ZMAT4: variants seen among roughly 807,000 people sequenced by gnomAD.
ZMAT4 encodes zinc finger matrin-type 4, also known as zinc finger matrin-type protein 4.
A neutral mutation model predicts 28.7 loss-of-function variants in ZMAT4; 17 were observed. The ratio of observed to expected loss-of-function variants is 0.59; its 90% confidence interval spans 0.41 to 0.89. ZMAT4 has a LOEUF of 0.89. Among genes scored for constraint, ZMAT4 ranks in the 40% least tolerant of loss-of-function variants. The pLI, the probability that ZMAT4 is intolerant of heterozygous loss-of-function variation, is 0.00. For missense variants in ZMAT4, 240 were observed against 283.8 expected (o/e 0.85, Z 1.11); for synonymous variants, 117 against 109.2 (o/e 1.07, Z -0.44).
chr8:40,627,902 G>A (rs1410848874), intron 5 of ZMAT4, among the ~76,000 whole-genome samples: 1 of 152,170 alleles, frequency 6.6e-6, no homozygotes, highest in Non-Finnish European at 1.5e-5. Context: ...GGGATTTAAG[G>A]CTTGAAGATC....
intron 6 of ZMAT4, among the ~76,000 whole-genome samples, chr8:40,552,045 G>A (rs1803384019): frequency 6.6e-6 from 1 of 152,138 alleles, no homozygotes; most frequent in South Asian, 2.1e-4. Context: ...TCAGCAGCCA[G>A]GGCCATAATG....
chr8:40,797,552 T>A (rs536672823), intron 2 of ZMAT4, among the ~76,000 whole-genome samples: 11 of 152,198 alleles, frequency 7.2e-5, no homozygotes, highest in Admixed American at 7.2e-4. Context: ...ACGGTGGTAT[T>A]TGGAGAATTT....
At chr8:40,571,354 T>C (rs887081407) in intron 6 of ZMAT4, among the ~76,000 whole-genome samples, 1 of 152,150 alleles carries the variant, frequency 6.6e-6, no homozygotes, top group Non-Finnish European at 1.5e-5. Context: ...GCTGTAGATA[T>C]AGAGATACAT....
intron 3 of ZMAT4, among the ~76,000 whole-genome samples, chr8:40,746,038 A>G (rs1402870972): frequency 6.6e-6 from 1 of 152,010 alleles, no homozygotes; most frequent in Non-Finnish European, 1.5e-5. Flanking sequence ...CTTCGCAGCC[A>G]GTAGGTTTCC....
At chr8:40,564,916 A>G (rs996633341) in intron 6 of ZMAT4, among the ~76,000 whole-genome samples, 1 of 152,202 alleles carries the variant, frequency 6.6e-6, no homozygotes, top group Non-Finnish European at 1.5e-5. Flanking sequence ...ATAGTAAAAA[A>G]TCTGCTTTAG....
intron 6 of ZMAT4, among the ~76,000 whole-genome samples, chr8:40,579,657 C>A (rs1804387938): frequency 6.6e-6 from 1 of 152,198 alleles, no homozygotes; most frequent in Non-Finnish European, 1.5e-5. Context: ...TTTGCAATAT[C>A]TTTGCAAAAC....
intron 1 of ZMAT4, among the ~76,000 whole-genome samples, chr8:40,849,056 C>T (rs960279395): frequency 4.6e-5 from 7 of 152,334 alleles, no homozygotes; most frequent in African/African-American, 1.4e-4. Context: ...CTGGAGGTGC[C>T]GTCCCATCCC....
chr8:40,618,671 A>G (rs1051236714), intron 5 of ZMAT4, among the ~76,000 whole-genome samples: 1 of 151,798 alleles, frequency 6.6e-6, no homozygotes, highest in East Asian at 1.9e-4. Flanking sequence ...AAAAAAAAAA[A>G]AAGAAATGAC....
chr8:40,874,740 TA>T (rs1426473221), intron 1 of ZMAT4, among the ~76,000 whole-genome samples: 5 of 152,252 alleles, frequency 3.3e-5, no homozygotes, highest in African/African-American at 1.2e-4. Flanking sequence ...TATTGGAATT[TA>T]TTTTAGTAGT....
At chr8:40,754,496 C>T (rs1812591068) in intron 3 of ZMAT4, among the ~76,000 whole-genome samples, 1 of 152,176 alleles carries the variant, frequency 6.6e-6, no homozygotes, top group South Asian at 2.1e-4. Context: ...TCATGTGTAG[C>T]TGAAGCAATA....
At chr8:40,591,366 C>T (rs1804887527) in intron 5 of ZMAT4, among the ~76,000 whole-genome samples, 1 of 152,198 alleles carries the variant, frequency 6.6e-6, no homozygotes, top group Admixed American at 6.5e-5. Context: ...GCTCCCACTG[C>T]ATCTCCACCC....
intron 5 of ZMAT4, among the ~76,000 whole-genome samples, chr8:40,615,338 T>C (rs184895686): frequency 1.2e-4 from 19 of 152,338 alleles, no homozygotes; most frequent in African/African-American, 4.1e-4. Flanking sequence ...ACCCGACCTT[T>C]CTCTCTGGCT....
chr8:40,776,993 C>T (rs954774804), intron 2 of ZMAT4, among the ~76,000 whole-genome samples: 9 of 151,230 alleles, frequency 6.0e-5, no homozygotes, highest in African/African-American at 1.9e-4. Flanking sequence ...CCTCCTGGGT[C>T]CAGCCTGCTG....
chr8:40,815,437 C>G (rs1815491848), intron 2 of ZMAT4, among the ~76,000 whole-genome samples: 1 of 152,160 alleles, frequency 6.6e-6, no homozygotes, highest in Admixed American at 6.5e-5. Context: ...CTACACTGAG[C>G]TGCCACTCAA....
chr8:40,894,066 G>A (rs1178557914), intron 1 of ZMAT4, among the ~76,000 whole-genome samples: 1 of 152,248 alleles, frequency 6.6e-6, no homozygotes, highest in Middle Eastern at 3.2e-3. Context: ...TGAGAGCACA[G>A]CAGGCAAATT....
chr8:40,701,748 C>T (rs1397909773), intron 3 of ZMAT4, among the ~76,000 whole-genome samples: 1 of 151,782 alleles, frequency 6.6e-6, no homozygotes, highest in Admixed American at 6.6e-5. Context: ...GAACTCCTGA[C>T]CTGAAGTGAT....
At chr8:40,590,210 TTTG>T (rs769305999) in intron 5 of ZMAT4, among the ~76,000 whole-genome samples, 115 of 151,486 alleles carry the variant, frequency 7.6e-4, no homozygotes, top group Non-Finnish European at 1.4e-3. Flanking sequence ...ATTTTTTATT[TTTG>T]TTGAAACAGA....
chr8:40,740,738 G>A lies in ZMAT4; in HGVS notation c.192+26903C>T, dbSNP rs111536424. ...GACTGTGCACACAGCAGTTTATGGA[G>A]CCTTGTGAAAAATCTGTGTGCTCTA... is the stretch of plus-strand genomic sequence containing the variant. On this transcript the variant is annotated intron_variant, in intron 3 of 6. Coordinates refer to ENST00000297737, the MANE Select transcript of ZMAT4 (RefSeq NM_024645.3). Among the ~76,000 whole-genome samples, 1,439 of 152,280 alleles carry A rather than the reference G, an allele frequency of 9.4e-3. 23 individuals are homozygous for A. Among genetic ancestry groups the A allele is most frequent in the African/African-American group, 0.033 (1,390 of 41,552 alleles).
At chr8:40,835,436 C>T (rs548972253) in intron 1 of ZMAT4, among the ~76,000 whole-genome samples, 1 of 152,348 alleles carries the variant, frequency 6.6e-6, no homozygotes, top group East Asian at 1.9e-4. Flanking sequence ...GTGGGTCCCC[C>T]CACTTTGCTA....
Sources: allele counts gnomAD v4.1 joint callset (sites outside exome capture counted in the v4.1 genomes callset), GRCh38; gene constraint gnomAD v4.1.1; transcripts MANE v1.5; gene names NCBI Gene and HGNC (gene_info 2026-07-23, HGNC 2026-07-21).